The following TMEM132B variants were observed in gnomAD, a reference collection of about 807,000 sequenced individuals.
TMEM132B encodes transmembrane protein 132B.
A neutral mutation model predicts 90.8 loss-of-function variants in TMEM132B; 18 were observed. The observed-to-expected ratio is 0.20, with a 90% confidence interval of 0.14 to 0.29. The LOEUF (loss-of-function observed/expected upper bound fraction) is 0.29, where lower values mean the gene tolerates loss of function less well. Among genes scored for constraint, TMEM132B ranks in the 10% least tolerant of loss-of-function variants. The pLI, the probability that TMEM132B is intolerant of heterozygous loss-of-function variation, is 1.00. For synonymous variants in TMEM132B, 504 were observed against 523.3 expected, an observed-to-expected ratio of 0.96 and a Z score of 0.50; for missense variants, 1,096 against 1,326.8, an observed-to-expected ratio of 0.83 and a Z score of 2.70.
chr12:125,565,386 A>G (rs1884636517), intron 4 of TMEM132B, among the ~76,000 whole-genome samples: 1 of 152,232 alleles, frequency 6.6e-6, no homozygotes, highest in African/African-American at 2.4e-5. Context: ...AGCAGCATCC[A>G]GGGGTGGGAC....
At chr12:125,284,581 T>C (rs898818580) in intron 1 of TMEM132B, among the ~76,000 whole-genome samples, 1 of 152,236 alleles carries the variant, frequency 6.6e-6, no homozygotes, top group Non-Finnish European at 1.5e-5. Context: ...CGTAGCATTG[T>C]CTCTTTTTAA....
At chr12:125,584,081 A>C (rs754844262) in intron 5 of TMEM132B, 87 bp downstream of exon 5, 1 of 1,591,560 alleles carries the variant, frequency 6.3e-7, no homozygotes, top group South Asian at 1.1e-5. Flanking sequence ...GTTCTCACTG[A>C]GCATCCCATG....
In TMEM132B at chr12:125,655,327, A is replaced by G. The variant is rs1180657153; in HGVS notation, c.*617A>G. 1 of 152,178 alleles carries G rather than the reference A, an allele frequency of 6.6e-6. No individual in the cohort carries two copies. The highest frequency in any genetic ancestry group is 1.5e-5 in the Non-Finnish European group (1 of 68,056). 9.4% of individuals were successfully genotyped at this position (152,178 alleles called of 1,614,324 possible). On this transcript the variant is annotated 3_prime_UTR_variant, in exon 9 of 9. Transcript: ENST00000682704. ...TCCCTGGGATTTGCCATGCCATGTTATTTCCTGGGTCTCCATGCAGGATGT... is the reference window on the plus strand; with the variant it reads ...TCCCTGGGATTTGCCATGCCATGTTGTTTCCTGGGTCTCCATGCAGGATGT...
intron 4 of TMEM132B, among the ~76,000 whole-genome samples, chr12:125,546,269 G>A (rs1458214437): frequency 7.9e-5 from 12 of 151,826 alleles, no homozygotes; most frequent in South Asian, 2.1e-4. Flanking sequence ...TGCAAGCTCC[G>A]CATCCTGGGT....
chr12:125,445,616 C>A lies in TMEM132B; in HGVS notation c.1106+29939C>A, dbSNP rs1042546766. On this transcript the variant is annotated intron_variant, in intron 3 of 8. Transcript: ENST00000682704. This position sits in a 1 kb window ranked among gnomAD's most constrained non-coding sequence, Gnocchi z 4.3. The stretch of plus-strand genomic sequence containing the variant: ...TGGGCAGGACATCCAGTGTTAGTCA[C>A]TCCACCCCAGCTGTGAACCCTGAGC... Among the ~76,000 whole-genome samples, 5 of 152,190 alleles carry A rather than the reference C, an allele frequency of 3.3e-5. No individual in the cohort carries two copies. The highest frequency in any genetic ancestry group is 1.2e-4 in the African/African-American group (5 of 41,440).
At chr12:125,647,695 CA>C (rs1210092815) in intron 6 of TMEM132B, among the ~76,000 whole-genome samples, 1 of 151,820 alleles carries the variant, frequency 6.6e-6, no homozygotes, top group Non-Finnish European at 1.5e-5. Flanking sequence ...GCTAATGGAA[CA>C]GAAAAAATTA....
At chr12:125,266,229 G>T (rs193146865) in intron 1 of TMEM132B, among the ~76,000 whole-genome samples, 1 of 152,094 alleles carries the variant, frequency 6.6e-6, no homozygotes, top group East Asian at 1.9e-4. Flanking sequence ...ACCCTAAAAA[G>T]AAAAACCCAA....
At chr12:125,324,338 T>G (rs1876503541) in intron 1 of TMEM132B, among the ~76,000 whole-genome samples, 1 of 152,148 alleles carries the variant, frequency 6.6e-6, no homozygotes, top group Non-Finnish European at 1.5e-5. Context: ...GCAAGTAGAA[T>G]TACTGCCTCC....
chr12:125,395,265 C>G (rs746489660), intron 2 of TMEM132B, among the ~76,000 whole-genome samples: 3 of 152,138 alleles, frequency 2.0e-5, no homozygotes, highest in Non-Finnish European at 4.4e-5. Context: ...CTTTAAATTA[C>G]TGTGATGAAA....
At chr12:125,575,083 T>TATA (rs61155232) in intron 4 of TMEM132B, among the ~76,000 whole-genome samples, 15 of 114,606 alleles carry the variant, frequency 1.3e-4, no homozygotes, top group South Asian at 2.7e-4. Context: ...TATATATATA[T>TATA]TCAGGAGTAG....
Position 125,602,904 on chromosome 12 carries a change from A to G in TMEM132B, c.1437+18910A>G, listed in dbSNP as rs7976835. Among the ~76,000 whole-genome samples, 4 of 152,326 alleles carry G rather than the reference A, an allele frequency of 2.6e-5. No homozygotes were observed. The East Asian group carries it at 7.7e-4, about 29-fold the overall frequency. Reference sequence around the variant, plus strand: ...AAAATACATAGGAATACAGCTGAAAAGGGATATGAAGGACCTCTTCAAGGA... The same window carrying G: ...AAAATACATAGGAATACAGCTGAAAGGGGATATGAAGGACCTCTTCAAGGA... On this transcript the variant is annotated intron_variant, in intron 5 of 8. Coordinates refer to ENST00000682704, the MANE Select transcript of TMEM132B (RefSeq NM_001366854.1).
chr12:125,206,585 C>G (rs1310453330), intron 1 of TMEM132B, among the ~76,000 whole-genome samples: 1 of 152,090 alleles, frequency 6.6e-6, no homozygotes, highest in Non-Finnish European at 1.5e-5. Flanking sequence ...GGCTCCTGGA[C>G]AGCGTGCTTG....
chr12:125,404,935 C>T (rs1230735570), intron 2 of TMEM132B, among the ~76,000 whole-genome samples: 1 of 152,140 alleles, frequency 6.6e-6, no homozygotes, highest in Non-Finnish European at 1.5e-5. Context: ...GACTGTCTCA[C>T]TCCCTTCTTT....
chr12:125,521,873 T>C (rs1199756761), intron 4 of TMEM132B, among the ~76,000 whole-genome samples: 1 of 152,222 alleles, frequency 6.6e-6, no homozygotes, highest in African/African-American at 2.4e-5. Context: ...AAGCAGCATC[T>C]TCAGGGCTCA....
chr12:125,571,341 A>C (rs1884790843), intron 4 of TMEM132B, among the ~76,000 whole-genome samples: 1 of 152,178 alleles, frequency 6.6e-6, no homozygotes. Flanking sequence ...ATTAAATAAG[A>C]TGTTAATAAG....
chr12:125,392,698 T>G (rs981311553), intron 2 of TMEM132B, among the ~76,000 whole-genome samples: 1 of 151,864 alleles, frequency 6.6e-6, no homozygotes, highest in Non-Finnish European at 1.5e-5. Context: ...CTGGGAGGAG[T>G]TGCAGGCTGG....
chr12:125,441,420 G>A (rs1383864637), intron 3 of TMEM132B, among the ~76,000 whole-genome samples: 2 of 152,126 alleles, frequency 1.3e-5, no homozygotes, highest in South Asian at 2.1e-4. Context: ...TAGTACCTCC[G>A]TGATAAATAC....
In TMEM132B at chr12:125,654,001, G is replaced by A; in HGVS notation, c.2543G>A (p.Ser848Asn). 6.2e-7 allele frequency: 1 copy of A among 1,614,194 alleles called. No homozygotes were observed. The highest frequency in any genetic ancestry group is 1.1e-5 in the South Asian group (1 of 91,090). The change falls in exon 9 of 9, where the codon AGT (serine) becomes AAT (asparagine). Residue 848 changes from serine (S) to asparagine (N), a missense_variant. Coordinates refer to ENST00000682704, the MANE Select transcript of TMEM132B (RefSeq NM_001366854.1). This position sits in a 1 kb window ranked among gnomAD's most constrained non-coding sequence, Gnocchi z 5.8. ...HRGTPVGQEE[S>N]TNKSTTPQSP... ...GGCACACCTGTTGGCCAAGAGGAAA[G>A]TACCAACAAAAGCACAACCCCCCAG...
At chr12:125,305,518 A>G (rs1593077168) in intron 1 of TMEM132B, among the ~76,000 whole-genome samples, 2 of 152,268 alleles carry the variant, frequency 1.3e-5, no homozygotes, top group African/African-American at 2.4e-5. Flanking sequence ...GTGAAATTCC[A>G]TGGCATCGCG....
Sources: gnomAD v4.1 joint callset for allele counts (sites outside exome capture counted in the v4.1 genomes callset) on GRCh38, gnomAD v4.1.1 for gene constraint, Gnocchi (gnomAD v3.1) non-coding constraint, MANE v1.5 for transcripts, NCBI Gene and HGNC (gene_info 2026-07-23, HGNC 2026-07-21) for gene names.